The following PALM2AKAP2 variants were observed in gnomAD, a reference collection of about 807,000 sequenced individuals.
The protein encoded by PALM2AKAP2 is PALM2-AKAP2 fusion protein.
A neutral mutation model predicts 71.5 loss-of-function variants in PALM2AKAP2; 37 were observed. The observed-to-expected ratio is 0.52, with a 90% confidence interval of 0.40 to 0.68. The LOEUF (loss-of-function observed/expected upper bound fraction) is 0.68. Ranked by LOEUF, PALM2AKAP2 falls within the 30% of genes least tolerant of loss-of-function variation. PALM2AKAP2 has a pLI of 0.00. For missense variants in PALM2AKAP2, 1,224 were observed against 1,191.8 expected, an observed-to-expected ratio of 1.03 and a Z score of -0.40; for synonymous variants, 468 against 478.8, an observed-to-expected ratio of 0.98 and a Z score of 0.29.
chr9:109,998,150 C>T (rs1003706654), intron 6 of PALM2AKAP2, among the ~76,000 whole-genome samples: 2 of 152,164 alleles, frequency 1.3e-5, no homozygotes, highest in African/African-American at 4.8e-5. Flanking sequence ...AGATGATTCC[C>T]CAGTGGGCCA....
chr9:109,883,258 G>T (rs975973885), intron 3 of PALM2AKAP2, among the ~76,000 whole-genome samples: 1 of 152,174 alleles, frequency 6.6e-6, no homozygotes. Context: ...GGAATAAAGA[G>T]CACACTCAAT....
rs759060215 is a variant in PALM2AKAP2, at chr9:110,137,168, A to G, written c.1198A>G (p.Lys400Glu). 5.6e-6 allele frequency: 9 copies of G among 1,613,726 alleles called. No individual in the cohort carries two copies. The Admixed American group carries it at 1.5e-4, about 27-fold the overall frequency. The change falls in exon 2 of 4, where the codon AAA becomes GAA. Residue 400 changes from lysine (K) to glutamate (E), a missense_variant. Coordinates refer to ENST00000374525, the Ensembl canonical transcript of PALM2AKAP2. ...TCATGAACGCGCAAGCATGATTGACAAAGCAAAGGAGGACATTGTCACAGA... is the reference window on the plus strand; with the variant it reads ...TCATGAACGCGCAAGCATGATTGACGAAGCAAAGGAGGACATTGTCACAGA...
chr9:110,049,885 A>T (rs989016469), intron 1 of PALM2AKAP2, among the ~76,000 whole-genome samples: 4 of 152,186 alleles, frequency 2.6e-5, no homozygotes, highest in Admixed American at 6.5e-5. Flanking sequence ...GAGCTCTCCA[A>T]CGCGGATGCC....
At chr9:109,696,056 G>A (rs1827965490) in intron 1 of PALM2AKAP2, among the ~76,000 whole-genome samples, 1 of 152,160 alleles carries the variant, frequency 6.6e-6, no homozygotes, top group African/African-American at 2.4e-5. Context: ...AATATTTGAA[G>A]TAGTAGACTC....
intron 6 of PALM2AKAP2, among the ~76,000 whole-genome samples, chr9:109,959,159 CACAG>C (rs2132109275): frequency 6.6e-6 from 1 of 152,270 alleles, no homozygotes; most frequent in South Asian, 2.1e-4. Context: ...TGCTTCTCTC[CACAG>C]ACAATGTTTA....
intron 4 of PALM2AKAP2, among the ~76,000 whole-genome samples, chr9:109,924,634 C>T (rs1564213364): frequency 6.6e-6 from 1 of 151,878 alleles, no homozygotes; most frequent in Non-Finnish European, 1.5e-5. Context: ...GACAAACAAA[C>T]AAAAAAACAG....
intron 1 of PALM2AKAP2, among the ~76,000 whole-genome samples, chr9:109,823,411 A>G (rs1167654607): frequency 6.6e-6 from 1 of 152,166 alleles, no homozygotes; most frequent in Non-Finnish European, 1.5e-5. Flanking sequence ...TCACCATTAA[A>G]CAACTCTAGA....
chr9:110,027,029 C>T (rs1334869683), intron 7 of PALM2AKAP2, among the ~76,000 whole-genome samples: 9 of 152,058 alleles, frequency 5.9e-5, no homozygotes, highest in African/African-American at 1.2e-4. Flanking sequence ...GGTAATAGAG[C>T]GAGATGCAGT....
chr9:110,168,333 G>A (rs1836784621), intron 3 of PALM2AKAP2, 66 bp from the exon 11 acceptor site: 21 of 1,557,894 alleles, frequency 1.3e-5, no homozygotes, highest in Non-Finnish European at 1.8e-5. Flanking sequence ...AAGAAACAGA[G>A]AAGTCGGTTT....
chr9:109,960,024 T>C (rs889026198), intron 6 of PALM2AKAP2, among the ~76,000 whole-genome samples: 1 of 152,198 alleles, frequency 6.6e-6, no homozygotes, highest in African/African-American at 2.4e-5. Context: ...TTTGCTAAAA[T>C]GCAACAACTT....
chr9:110,005,030 G>A lies in PALM2AKAP2; in HGVS notation c.497-10924G>A, dbSNP rs144295914. Among the ~76,000 whole-genome samples, 832 of 152,250 alleles carry A rather than the reference G, an allele frequency of 5.5e-3. 8 individuals are homozygous for A. Among genetic ancestry groups the A allele is most frequent in the Middle Eastern group, 0.031 (9 of 294 alleles). ...GTCTGAAGCCTTCTTCTCTCAACTC[G>A]TCAAAGTCATTCTCTGTCCAGCTTT... On this transcript the variant is annotated intron_variant, in intron 6 of 9. Transcript: ENST00000302798.
At chr9:109,735,769 G>T (rs1177730015) in intron 1 of PALM2AKAP2, among the ~76,000 whole-genome samples, 1 of 152,140 alleles carries the variant, frequency 6.6e-6, no homozygotes, top group Non-Finnish European at 1.5e-5. Flanking sequence ...AGGCATTAAT[G>T]GTAGGTCTGC....
intron 6 of PALM2AKAP2, among the ~76,000 whole-genome samples, chr9:109,940,046 G>A (rs1831323889): frequency 6.6e-6 from 1 of 152,056 alleles, no homozygotes; most frequent in Admixed American, 6.6e-5. Flanking sequence ...CATTTCATTG[G>A]TGTCATATTA....
At chr9:110,030,463 C>T (rs538328111) in intron 7 of PALM2AKAP2, among the ~76,000 whole-genome samples, 176 of 152,162 alleles carry the variant, frequency 1.2e-3, no homozygotes, top group African/African-American at 4.0e-3. Context: ...TCATCCTGTG[C>T]GTAGGGGAGA....
intron 1 of PALM2AKAP2, among the ~76,000 whole-genome samples, chr9:109,668,698 A>T (rs2118482133): frequency 6.6e-6 from 1 of 152,306 alleles, no homozygotes; most frequent in East Asian, 1.9e-4. Flanking sequence ...AAGAAGGTAT[A>T]TGATTAGGGA....
intron 1 of PALM2AKAP2, among the ~76,000 whole-genome samples, chr9:109,851,353 G>T (rs561771868): frequency 6.6e-6 from 1 of 152,180 alleles, no homozygotes; most frequent in Admixed American, 6.5e-5. Context: ...GTTGAGCACT[G>T]TGGGGAAAAT....
At chr9:109,920,218 C>T (rs988703397) in intron 3 of PALM2AKAP2, among the ~76,000 whole-genome samples, 5 of 152,136 alleles carry the variant, frequency 3.3e-5, no homozygotes, top group East Asian at 3.8e-4. Context: ...CACATGGCTG[C>T]GGCCAGTGCC....
rs370722940 is a variant in PALM2AKAP2, at chr9:110,156,307, G to T, written c.2570-12G>T. ...CAAGCTTAGAAAGGGTATTTTCTTC[G>T]TGTTGTTTCAGGGAAAATAGAGAAA... On this transcript the variant is annotated splice_polypyrimidine_tract_variant and intron_variant, in intron 2 of 3. Coordinates refer to ENST00000374525, the Ensembl canonical transcript of PALM2AKAP2. The T allele has an allele frequency of 6.4e-7, 1 of 1,557,390 alleles. No homozygotes were observed. The highest frequency in any genetic ancestry group is 1.2e-5 in the South Asian group (1 of 82,446).
At chr9:109,760,409 C>T (rs560471627) in intron 1 of PALM2AKAP2, 1 of 152,120 alleles carries the variant, frequency 6.6e-6, no homozygotes, top group Non-Finnish European at 1.5e-5. Flanking sequence ...CTATAGAGCA[C>T]GTCCAACGTC....
Sources: gnomAD v4.1 joint callset for allele counts (sites outside exome capture counted in the v4.1 genomes callset) on GRCh38, gnomAD v4.1.1 for gene constraint, MANE v1.5 for transcripts, NCBI Gene and HGNC (gene_info 2026-07-23, HGNC 2026-07-21) for gene names.